HIVEP3: variants seen among roughly 807,000 people sequenced by gnomAD.
HIVEP3 encodes HIVEP zinc finger 3, also known as transcription factor HIVEP3.
Under a neutral mutation model 152.8 loss-of-function variants are expected in HIVEP3, and 49 were observed. The observed-to-expected ratio is 0.32, with a 90% confidence interval of 0.26 to 0.41. HIVEP3 has a LOEUF of 0.41. Among genes scored for constraint, HIVEP3 ranks in the 10% least tolerant of loss-of-function variants. The probability of loss-of-function intolerance (pLI) is 1.00; values close to 1 mark genes in which losing one functional copy is unlikely to be tolerated. For synonymous variants in HIVEP3, 1,269 were observed against 1,289.0 expected, an observed-to-expected ratio of 0.98 and a Z score of 0.33; for missense variants, 2,790 against 3,103.3, an observed-to-expected ratio of 0.90 and a Z score of 2.40.
In HIVEP3 at chr1:41,763,694, G is replaced by A. The variant is rs146306180; in HGVS notation, c.-800-62699C>T. ...ATATCATATAGTAATGCTGGAGTAC[G>A]TTCTCAAAAATACTTTTACTGGAAG... On this transcript the variant is annotated intron_variant, in intron 1 of 8. Coordinates refer to ENST00000372583, the MANE Select transcript of HIVEP3 (RefSeq NM_024503.5). Among the ~76,000 whole-genome samples, 29 of 152,334 alleles carry A rather than the reference G, an allele frequency of 1.9e-4. 1 individual carries two copies. In the East Asian group the frequency reaches 4.2e-3, roughly 22 times the overall value.
chr1:41,675,809 G>A (rs1437813233), intron 2 of HIVEP3, among the ~76,000 whole-genome samples: 1 of 152,216 alleles, frequency 6.6e-6, no homozygotes, highest in Non-Finnish European at 1.5e-5. Flanking sequence ...AGAGGAAAGT[G>A]TGCAGGGGTG....
At chr1:41,915,162 C>A (rs185365032) in intron 1 of HIVEP3, among the ~76,000 whole-genome samples, 119 of 151,992 alleles carry the variant, frequency 7.8e-4, no homozygotes, top group South Asian at 1.9e-3. Context: ...TTTGGGGATA[C>A]TTCAGAACTC....
At chr1:41,947,567 C>T (rs1557534631) in intron 1 of HIVEP3, among the ~76,000 whole-genome samples, 1 of 152,160 alleles carries the variant, frequency 6.6e-6, no homozygotes, top group African/African-American at 2.4e-5. Flanking sequence ...AAGCCAATAC[C>T]CATTTAGTAA....
At chr1:41,645,361 G>T (rs1645443199) in intron 2 of HIVEP3, among the ~76,000 whole-genome samples, 1 of 152,168 alleles carries the variant, frequency 6.6e-6, no homozygotes, top group South Asian at 2.1e-4. Context: ...AAGGAAGTAG[G>T]GTTGCAATTC....
At chr1:41,947,195 C>G (rs1409101116) in intron 1 of HIVEP3, among the ~76,000 whole-genome samples, 1 of 152,236 alleles carries the variant, frequency 6.6e-6, no homozygotes, top group Admixed American at 6.5e-5. Flanking sequence ...TGAGCCAGTT[C>G]TCATACCTGG....
intron 1 of HIVEP3, among the ~76,000 whole-genome samples, chr1:41,728,418 G>A (rs954216537): frequency 1.3e-5 from 2 of 152,096 alleles, no homozygotes; most frequent in Non-Finnish European, 2.9e-5. Context: ...CCCAGGCCTG[G>A]GGCACTCAGT....
intron 1 of HIVEP3, among the ~76,000 whole-genome samples, chr1:41,754,239 C>G (rs546705439): frequency 7.9e-5 from 12 of 152,216 alleles, no homozygotes; most frequent in African/African-American, 2.6e-4. Flanking sequence ...GGCTTTCACT[C>G]TGGGTGAGAA....
chr1:41,839,324 G>T (rs1335059251), intron 1 of HIVEP3, among the ~76,000 whole-genome samples: 2 of 152,206 alleles, frequency 1.3e-5, no homozygotes, highest in Non-Finnish European at 2.9e-5. Flanking sequence ...GCCTCTGGTG[G>T]TTTCAGAACT....
chr1:41,758,874 C>T (rs1044185978), intron 1 of HIVEP3, among the ~76,000 whole-genome samples: 2 of 152,194 alleles, frequency 1.3e-5, no homozygotes, highest in African/African-American at 4.8e-5. Flanking sequence ...GGGGTACTGG[C>T]CCCACTGCTC....
At chr1:41,518,358 A>T in intron 7 of HIVEP3, 44 bp downstream of exon 7, 2 of 1,529,260 alleles carry the variant, frequency 1.3e-6, no homozygotes, top group South Asian at 1.1e-5. Context: ...GGATAGGGAA[A>T]GCGGACAAGG....
intron 1 of HIVEP3, among the ~76,000 whole-genome samples, chr1:41,710,791 C>T (rs557751442): frequency 4.6e-5 from 7 of 152,324 alleles, no homozygotes; most frequent in Non-Finnish European, 7.4e-5. Flanking sequence ...TCCCTGTGGC[C>T]GTGCAGCAGT....
chr1:41,546,013 G>C (rs1162716712), intron 5 of HIVEP3, among the ~76,000 whole-genome samples: 1 of 152,250 alleles, frequency 6.6e-6, no homozygotes, highest in Non-Finnish European at 1.5e-5. Flanking sequence ...ACACGGCTGA[G>C]TGTGAATCCC....
intron 3 of HIVEP3, among the ~76,000 whole-genome samples, chr1:41,611,528 G>C (rs748160234): frequency 1.3e-5 from 2 of 152,240 alleles, no homozygotes; most frequent in African/African-American, 4.8e-5. Context: ...CAAAGGCACC[G>C]AAGGTTCCAT....
At position 42,017,409 on chromosome 1, in the gene HIVEP3, A is replaced by T. The variant is rs114395989; in HGVS notation, n.119+18398T>A. 4.2e-3 allele frequency among the ~76,000 whole-genome samples: 640 copies of T among 152,110 alleles called. 2 individuals carry two copies. The highest frequency in any genetic ancestry group is 0.017 in the Middle Eastern group (5 of 294). On this transcript the variant is annotated intron_variant and non_coding_transcript_variant, in intron 1 of 3. Transcript: ENST00000489103. ...AAAATAACCCCATCCCATACCATAC[A>T]CCCAGACCAAGAAACCAAATATGAC... is the stretch of plus-strand genomic sequence containing the variant.
chr1:41,632,816 CAGAATGTTCA>C (rs1645214969), intron 2 of HIVEP3, among the ~76,000 whole-genome samples: 1 of 151,922 alleles, frequency 6.6e-6, no homozygotes, highest in Non-Finnish European at 1.5e-5. Context: ...CCCAAATGGC[CAGAATGTTCA>C]AGAAAATTGC....
chr1:41,949,338 C>G (rs916349043), intron 1 of HIVEP3, among the ~76,000 whole-genome samples: 1 of 152,252 alleles, frequency 6.6e-6, no homozygotes, highest in African/African-American at 2.4e-5. Context: ...ACAACCCCTA[C>G]TCAGTTCTAC....
intron 1 of HIVEP3, among the ~76,000 whole-genome samples, chr1:41,849,603 CATCTT>C (rs1643537551): frequency 6.6e-6 from 1 of 152,154 alleles, no homozygotes; most frequent in African/African-American, 2.4e-5. Flanking sequence ...GCTGAATAAA[CATCTT>C]ATTGCAATAT....
chr1:41,549,471 C>A (rs2149080044), intron 5 of HIVEP3, among the ~76,000 whole-genome samples: 1 of 152,308 alleles, frequency 6.6e-6, no homozygotes, highest in South Asian at 2.1e-4. Context: ...AATGGTTGAA[C>A]TAGTTTACAC....
chr1:41,946,369 G>A (rs981315976), intron 1 of HIVEP3, among the ~76,000 whole-genome samples: 3 of 152,254 alleles, frequency 2.0e-5, no homozygotes, highest in East Asian at 1.9e-4. Flanking sequence ...TGACCATTGA[G>A]AGCCAGGAAG....
Sources: allele counts gnomAD v4.1 joint callset (sites outside exome capture counted in the v4.1 genomes callset), GRCh38; gene constraint gnomAD v4.1.1; transcripts MANE v1.5; gene names NCBI Gene and HGNC (gene_info 2026-07-23, HGNC 2026-07-21).